Variants in FOXP2 observed in about 807,000 individuals in gnomAD.
FOXP2 encodes the protein forkhead box P2.
Under a neutral mutation model 115.8 loss-of-function variants are expected in FOXP2, and 12 were observed. That is an observed-to-expected ratio of 0.10 (90% CI 0.07 to 0.17). The LOEUF is 0.17. Among genes scored for constraint, FOXP2 ranks in the 10% least tolerant of loss-of-function variants. The pLI, the probability that FOXP2 is intolerant of heterozygous loss-of-function variation, is 1.00. For synonymous variants in FOXP2, 328 were observed against 297.7 expected (o/e 1.10, Z -1.05); for missense variants, 629 against 843.5 (o/e 0.75, Z 3.15).
Position 114,691,782 on chromosome 7 carries a change from C to T in FOXP2, c.*1856C>T, listed in dbSNP as rs1288671184. The T allele has an allele frequency of 2.2e-6, 1 of 453,326 alleles. No homozygotes were observed. Among genetic ancestry groups the T allele is most frequent in the South Asian group, 1.6e-5 (1 of 64,310 alleles). The allele number at this position is 453,326 out of a possible 1,614,324, so 28.1% of individuals were successfully genotyped here. A position where few individuals can be genotyped will look rare whatever the true frequency, so the allele number is the denominator to read the frequency against. On this transcript the variant is annotated 3_prime_UTR_variant, in exon 17 of 17. Coordinates refer to ENST00000350908, the MANE Select transcript of FOXP2 (RefSeq NM_014491.4). ...ATGTGATGGAACCGGTTCTTGCAAA[C>T]TAAGCTCATCATTGATTCTTTGCTG...
chr7:114,555,159 A>G (rs1022647847), intron 3 of FOXP2, among the ~76,000 whole-genome samples: 5 of 152,210 alleles, frequency 3.3e-5, no homozygotes, highest in Non-Finnish European at 7.3e-5. Context: ...GCATATATTT[A>G]GTGCTTACTT....
intron 1 of FOXP2, among the ~76,000 whole-genome samples, 200 bp downstream of exon 1, chr7:114,415,560 T>A (rs1793302672): frequency 1.3e-5 from 2 of 151,766 alleles, no homozygotes; most frequent in South Asian, 4.2e-4. Flanking sequence ...TTTTGATCTG[T>A]CAGTAGCGTA....
chr7:114,568,663 T>C (rs1801141190), intron 3 of FOXP2, among the ~76,000 whole-genome samples: 2 of 151,900 alleles, frequency 1.3e-5, no homozygotes, highest in South Asian at 4.1e-4. Flanking sequence ...CGAATTCTAA[T>C]GAAAACCTCT....
intron 16 of FOXP2, among the ~76,000 whole-genome samples, chr7:114,671,342 G>T (rs540272635): frequency 5.9e-5 from 9 of 151,998 alleles, no homozygotes; most frequent in Non-Finnish European, 1.0e-4. Context: ...TAGCTAAAAA[G>T]TGTTATATCC....
chr7:114,171,923 G>T (rs1793152816), intron 1 of FOXP2, among the ~76,000 whole-genome samples: 2 of 152,074 alleles, frequency 1.3e-5, no homozygotes. Context: ...GATGACTTTG[G>T]GGGGTTCAAG....
In FOXP2 at chr7:114,470,393, C is replaced by T. The variant is rs146008707; in HGVS notation, c.168+43714C>T. Among the ~76,000 whole-genome samples the T allele has an allele frequency of 7.8e-4, 119 of 152,192 alleles. No individual in the cohort carries two copies. The East Asian group carries it at 0.021, about 27-fold the overall frequency. ...CTTTTCAGAGCTTTATCATTCTAAA[C>T]CAAATAAAGTCATTTTATAAAGTTA... On this transcript the variant is annotated intron_variant, in intron 2 of 16. Coordinates refer to ENST00000350908, the MANE Select transcript of FOXP2 (RefSeq NM_014491.4).
intron 1 of FOXP2, among the ~76,000 whole-genome samples, chr7:114,164,291 T>C (rs1792915804): frequency 6.6e-6 from 1 of 151,880 alleles, no homozygotes; most frequent in African/African-American, 2.4e-5. Flanking sequence ...GTTCAAAACT[T>C]TTTTTTTGTT....
chr7:114,579,607 A>C (rs1414532472), intron 3 of FOXP2, among the ~76,000 whole-genome samples: 1 of 151,876 alleles, frequency 6.6e-6, no homozygotes, highest in Non-Finnish European at 1.5e-5. Context: ...CTGTGTATCA[A>C]CTTCCACCGG....
chr7:114,442,868 G>A (rs1794670950), intron 2 of FOXP2, among the ~76,000 whole-genome samples: 1 of 152,278 alleles, frequency 6.6e-6, no homozygotes, highest in Admixed American at 6.5e-5. Flanking sequence ...ATTTTTTAAT[G>A]TCATCCAGAT....
chr7:114,089,822 A>C (rs762655593), intron 1 of FOXP2, among the ~76,000 whole-genome samples: 18 of 152,126 alleles, frequency 1.2e-4, no homozygotes, highest in Non-Finnish European at 2.4e-4. Flanking sequence ...TCAAACACAC[A>C]AAACAAGTCT....
chr7:114,455,967 T>A (rs1022184010), intron 2 of FOXP2, among the ~76,000 whole-genome samples: 4 of 152,208 alleles, frequency 2.6e-5, no homozygotes, highest in Non-Finnish European at 5.9e-5. Flanking sequence ...GTTCTGCCCA[T>A]GTTCTGCTTT....
intron 1 of FOXP2, among the ~76,000 whole-genome samples, chr7:114,138,887 G>C (rs149060146): frequency 0.015 from 2,336 of 152,184 alleles, 19 homozygotes; most frequent in Middle Eastern, 0.024. Context: ...AACAGAAAAA[G>C]GGACATTAGG....
At chr7:114,659,311 A>T (rs1423915469) in intron 11 of FOXP2, 45 bp from the exon 12 acceptor site, 20 of 1,302,926 alleles carry the variant, frequency 1.5e-5, no homozygotes, top group Non-Finnish European at 2.0e-5. Context: ...ATTATATATA[A>T]TGTGAATTAT....
chr7:114,090,433 T>A (rs941341219), intron 1 of FOXP2, among the ~76,000 whole-genome samples: 1 of 151,922 alleles, frequency 6.6e-6, no homozygotes, highest in Non-Finnish European at 1.5e-5. Context: ...TACTCTTTGA[T>A]AAAAGAAAGC....
chr7:114,183,654 CATT>C (rs1793514942), intron 1 of FOXP2, among the ~76,000 whole-genome samples: 2 of 152,086 alleles, frequency 1.3e-5, no homozygotes, highest in Admixed American at 6.6e-5. Flanking sequence ...TATAAATTCA[CATT>C]ATTAAGTTTC....
chr7:114,254,117 G>A (rs1466344773), intron 1 of FOXP2, among the ~76,000 whole-genome samples: 3 of 152,106 alleles, frequency 2.0e-5, no homozygotes, highest in Non-Finnish European at 4.4e-5. Context: ...GTTGAATATT[G>A]GCCCCCCACT....
At chr7:114,549,075 C>A (rs1800074389) in intron 3 of FOXP2, among the ~76,000 whole-genome samples, 1 of 152,130 alleles carries the variant, frequency 6.6e-6, no homozygotes, top group African/African-American at 2.4e-5. Flanking sequence ...ACCTATACTG[C>A]AAAAATTGAT....
chr7:114,197,427 T>C (rs973113472), intron 1 of FOXP2, among the ~76,000 whole-genome samples: 1 of 152,134 alleles, frequency 6.6e-6, no homozygotes, highest in African/African-American at 2.4e-5. Flanking sequence ...GAGCACAAAG[T>C]GCAACTCTGA....
chr7:114,225,813 T>C (rs983337130), intron 1 of FOXP2, among the ~76,000 whole-genome samples: 124 of 152,304 alleles, frequency 8.1e-4, no homozygotes, highest in African/African-American at 3.0e-3. Flanking sequence ...ATACTTATAT[T>C]ATTCTTTTTT....
Sources: allele counts gnomAD v4.1 joint callset (sites outside exome capture counted in the v4.1 genomes callset), GRCh38; gene constraint gnomAD v4.1.1; transcripts MANE v1.5; gene names NCBI Gene and HGNC (gene_info 2026-07-23, HGNC 2026-07-21).